DNAH6: variants seen among roughly 807,000 people sequenced by gnomAD.
The protein encoded by DNAH6 is dynein axonemal heavy chain 6.
DNAH6 carries 340 observed loss-of-function variants against 491.4 expected under a neutral mutation model. The observed-to-expected ratio is 0.69, with a 90% CI of 0.63 to 0.76. DNAH6 has a LOEUF of 0.76. Ranked by LOEUF, DNAH6 falls within the 30% of genes least tolerant of loss-of-function variation. The pLI, the probability that DNAH6 is intolerant of heterozygous loss-of-function variation, is 0.00. For missense variants in DNAH6, 4,443 were observed against 4,972.2 expected, an observed-to-expected ratio of 0.89 and a Z score of 3.20; for synonymous variants, 1,603 against 1,686.1, an observed-to-expected ratio of 0.95 and a Z score of 1.21.
Position 84,549,966 on chromosome 2 carries a change from A to T in DNAH6, c.1394A>T (p.Asn465Ile). The T allele has an allele frequency of 1.2e-6, 2 of 1,613,978 alleles. No individual in the cohort carries two copies. Among genetic ancestry groups the T allele is most frequent in the Non-Finnish European group, 1.7e-6 (2 of 1,179,898 alleles). Reference protein sequence around the residue: ...LTVNAVNSLLNHLTDKLKRTP... With the variant: ...LTVNAVNSLLIHLTDKLKRTP... ...GTAAATGCTGTTAATTCGCTTTTGAACCATCTCACTGACAAGCTAAAACGA... is the reference window on the plus strand; with the variant it reads ...GTAAATGCTGTTAATTCGCTTTTGATCCATCTCACTGACAAGCTAAAACGA... Residue 465 changes from asparagine (N) to isoleucine (I), a missense_variant, in exon 9 of 77, where the codon AAC (asparagine) becomes ATC (isoleucine). By Grantham distance (149) the Asn-to-Ile change is moderately radical. Coordinates refer to ENST00000389394, the MANE Select transcript of DNAH6 (RefSeq NM_001370.2).
chr2:84,548,469 A>G, intron 8 of DNAH6, 52 bp downstream of exon 8: 2 of 1,602,732 alleles, frequency 1.2e-6, no homozygotes, highest in Non-Finnish European at 8.5e-7. Context: ...CTTAAGCTGC[A>G]TTAAAAATTA....
intron 70 of DNAH6, among the ~76,000 whole-genome samples, chr2:84,803,064 G>A (rs1573858260): frequency 6.6e-6 from 1 of 152,182 alleles, no homozygotes; most frequent in East Asian, 1.9e-4. Context: ...CAAAAACAGT[G>A]TTAAGGGGAA....
intron 9 of DNAH6, among the ~76,000 whole-genome samples, chr2:84,550,641 C>G (rs951816510): frequency 6.6e-6 from 1 of 152,122 alleles, no homozygotes; most frequent in Non-Finnish European, 1.5e-5. Context: ...CTAAAGCTTG[C>G]TCATGTGTTC....
intron 4 of DNAH6, among the ~76,000 whole-genome samples, chr2:84,538,354 G>T (rs1677902562): frequency 6.6e-6 from 1 of 152,118 alleles, no homozygotes; most frequent in African/African-American, 2.4e-5. Context: ...ATATTGTTTT[G>T]TGATTTGCAG....
chr2:84,529,753 T>G (rs918322048), intron 4 of DNAH6, among the ~76,000 whole-genome samples: 2 of 152,144 alleles, frequency 1.3e-5, no homozygotes, highest in Non-Finnish European at 2.9e-5. Flanking sequence ...TCCTCTGTTA[T>G]TTAGTTGGGC....
At chr2:84,490,846 C>T in the DNAH6 span, among the ~76,000 whole-genome samples, 33 of 152,174 alleles carry the variant, frequency 2.2e-4, no homozygotes, top group African/African-American at 6.5e-4. Context: ...CAGGTGTGAG[C>T]CACTGTCCCT....
At chr2:84,491,517 A>G in the DNAH6 span, among the ~76,000 whole-genome samples, 1 of 152,198 alleles carries the variant, frequency 6.6e-6, no homozygotes, top group Non-Finnish European at 1.5e-5. Flanking sequence ...CCAATGAGAC[A>G]TAAGTCCAAA....
chr2:84,697,702 G>A lies in DNAH6; in HGVS notation c.7652G>A (p.Gly2551Glu), dbSNP rs983193068. ...AATRPRAKEV[G>E]ISEGNRDEVF... is the part of the protein sequence containing the mutation. ...ACCAGACCAAGAGCAAAAGAAGTAG[G>A]AATTTCTGAGGGGAACAGAGACGAG... The change falls in exon 47 of 77, where the codon GGA becomes GAA. Residue 2551 changes from glycine (G) to glutamate (E), a missense_variant. Gly to Glu is a moderately conservative substitution (Grantham distance 98). Transcript: ENST00000389394. 1.2e-5 allele frequency: 18 copies of A among 1,551,800 alleles called. No homozygotes were observed. Among genetic ancestry groups the A allele is most frequent in the Middle Eastern group, 3.3e-4 (2 of 5,994 alleles).
At chr2:84,609,891 A>G (rs1238549064) in intron 21 of DNAH6, among the ~76,000 whole-genome samples, 1 of 152,130 alleles carries the variant, frequency 6.6e-6, no homozygotes, top group Non-Finnish European at 1.5e-5. Context: ...ACAATAAAAC[A>G]AAGCATGCCC....
intron 63 of DNAH6, 123 bp downstream of exon 63, chr2:84,745,372 A>G (rs1167986814): frequency 4.0e-6 from 3 of 756,532 alleles, no homozygotes; most frequent in Non-Finnish European, 3.9e-6. Flanking sequence ...TGACTCAAAA[A>G]AATGAAACAT....
At position 84,634,618 on chromosome 2, in the gene DNAH6, A is replaced by T; in HGVS notation, c.4630A>T (p.Ile1544Phe). 6.5e-7 allele frequency: 1 copy of T among 1,540,814 alleles called. No individual in the cohort carries two copies. Among genetic ancestry groups the T allele is most frequent in the Admixed American group, 2.0e-5 (1 of 48,964 alleles). ...CGTCATCGCGCAGCAACTCATTACC[A>T]TTAGGAACGCCAAAGCGGCAAAGGT... ...LSVIAQQLIT[I>F]RNAKAAKLSR... The change falls in exon 30 of 77, where the codon ATT becomes TTT. Residue 1544 changes from isoleucine to phenylalanine, a missense_variant. Ile to Phe is a conservative substitution (Grantham distance 21). This residue lies in a region of DNAH6 where 2,977 missense variants were observed against 3,296.6 expected (regional missense o/e 0.90). Transcript: ENST00000389394.
chr2:84,801,925 G>C (rs1678962908), intron 70 of DNAH6, among the ~76,000 whole-genome samples: 1 of 150,898 alleles, frequency 6.6e-6, no homozygotes, highest in Admixed American at 6.6e-5. Flanking sequence ...GGAAGGGAAG[G>C]GATTCCAGCA....
At chr2:84,561,748 T>C (rs1003276513) in intron 11 of DNAH6, among the ~76,000 whole-genome samples, 1 of 152,126 alleles carries the variant, frequency 6.6e-6, no homozygotes, top group Non-Finnish European at 1.5e-5. Flanking sequence ...AACAGACATT[T>C]CTCAAAAGAA....
chr2:84,690,579 G>A (rs943319309), intron 45 of DNAH6, among the ~76,000 whole-genome samples: 3 of 152,208 alleles, frequency 2.0e-5, no homozygotes, highest in Non-Finnish European at 4.4e-5. Flanking sequence ...TTGTGAAAGA[G>A]AATTACCAGG....
At chr2:84,612,635 A>G (rs1040823249) in intron 22 of DNAH6, among the ~76,000 whole-genome samples, 2 of 152,134 alleles carry the variant, frequency 1.3e-5, no homozygotes, top group African/African-American at 4.8e-5. Context: ...TCCTTGGCTC[A>G]TGGCCTTCTT....
At chr2:84,465,555 G>C in the DNAH6 span, among the ~76,000 whole-genome samples, 6 of 152,072 alleles carry the variant, frequency 3.9e-5, no homozygotes, top group Admixed American at 1.3e-4. Flanking sequence ...CCCACACAAA[G>C]AGTATAACAG....
chr2:84,804,593 A>T (rs911071906), intron 70 of DNAH6, among the ~76,000 whole-genome samples: 1 of 151,982 alleles, frequency 6.6e-6, no homozygotes, highest in Non-Finnish European at 1.5e-5. Context: ...TTCTGTAATA[A>T]GCCGTATTTT....
rs1267184393 is a variant in DNAH6, at chr2:84,777,482, A to C, written c.10704-4011A>C. 5.9e-6 allele frequency: 4 copies of C among 679,182 alleles called. No homozygotes were observed. The Admixed American group carries it at 6.4e-5, about 11-fold the overall frequency. The allele number at this position is 679,182 out of a possible 1,614,324, so 42.1% of individuals were successfully genotyped here. ...AAGATTCTTCATTATACTTTCTGCC[A>C]AATCTGCCACAGAGGGTCCAATGTC... On this transcript the variant is annotated intron_variant, in intron 64 of 76. Transcript: ENST00000389394.
At chr2:84,721,221 G>A (rs985713894) in intron 59 of DNAH6, among the ~76,000 whole-genome samples, 1 of 152,098 alleles carries the variant, frequency 6.6e-6, no homozygotes, top group Non-Finnish European at 1.5e-5. Flanking sequence ...TTATTTGTTA[G>A]TGGGCCTACA....
Sources: gnomAD v4.1 joint callset for allele counts (sites outside exome capture counted in the v4.1 genomes callset) on GRCh38, gnomAD v4.1.1 for gene constraint, gnomAD v4.1.1 regional missense constraint, MANE v1.5 for transcripts, NCBI Gene and HGNC (gene_info 2026-07-23, HGNC 2026-07-21) for gene names.